Variants in FLT3 observed in about 807,000 individuals in gnomAD.
FLT3 encodes fms related receptor tyrosine kinase 3, also known as receptor-type tyrosine-protein kinase FLT3.
Under a neutral mutation model 126.6 loss-of-function variants are expected in FLT3, and 46 were observed. The observed-to-expected ratio is 0.36, with a 90% CI of 0.29 to 0.46. The LOEUF is 0.46. Ranked by LOEUF, FLT3 falls within the 20% of genes least tolerant of loss-of-function variation. FLT3 has a pLI of 1.00. For synonymous variants in FLT3, 404 were observed against 434.4 expected (o/e 0.93, Z 0.87); for missense variants, 1,069 against 1,190.3 (o/e 0.90, Z 1.50).
rs945397110 is a variant in FLT3 at position 28,011,740 on chromosome 13, CT to C, written c.2859+2711del. On this transcript the variant is annotated intron_variant, in intron 23 of 23. Coordinates refer to ENST00000241453, the MANE Select transcript of FLT3 (RefSeq NM_004119.3). ...TTCTTTCTTTCTCTCTTTCTTCTTTCTTTTTTTTCTCTCTTTCTCTTTCTTT... is the reference window on the plus strand; with the variant it reads ...TTCTTTCTTTCTCTCTTTCTTCTTTCTTTTTTTCTCTCTTTCTCTTTCTTT... 1.0e-4 allele frequency among the ~76,000 whole-genome samples: 15 copies of C among 143,082 alleles called. 1 individual carries two copies. The highest frequency in any genetic ancestry group is 6.5e-4 in the East Asian group (3 of 4,640). The allele number at this position is 143,082 out of a possible 152,430, so 93.9% of individuals were successfully genotyped here.
Position 28,036,016 on chromosome 13 carries a change from G to A in FLT3, c.1337C>T (p.Ser446Leu), listed in dbSNP as rs201256911. ...RRKPQVLAEA[S>L]ASQASCFSDG... is the part of the protein sequence containing the mutation. ...CGAGAAACAGGACGCCTGACTTGCCGATGCTTCTGCGAGCACTTGAGGTTT... is the reference window on the plus strand; with the variant it reads ...CGAGAAACAGGACGCCTGACTTGCCAATGCTTCTGCGAGCACTTGAGGTTT... Residue 446 changes from serine to leucine, a missense_variant, in exon 11 of 24, where the codon TCG (serine) becomes TTG (leucine). By Grantham distance (145) the Ser-to-Leu change is moderately radical (BLOSUM62 -2). Transcript: ENST00000241453. 2.0e-4 allele frequency: 327 copies of A among 1,614,010 alleles called. 2 individuals carry two copies. In the South Asian group the frequency reaches 3.2e-3, roughly 16 times the overall value.
chr13:28,010,069 C>T (rs1353984627), intron 23 of FLT3, among the ~76,000 whole-genome samples: 1 of 152,126 alleles, frequency 6.6e-6, no homozygotes, highest in Non-Finnish European at 1.5e-5. Context: ...CCTGACATCT[C>T]ATCTTCTGCC....
intron 3 of FLT3, 82 bp downstream of exon 3, chr13:28,061,785 T>C (rs538605461): frequency 6.2e-6 from 7 of 1,135,600 alleles, no homozygotes; most frequent in Admixed American, 2.2e-5. Context: ...AAAAAAAAGG[T>C]TTACAATAAA....
chr13:28,091,207 C>T (rs142769061), intron 1 of FLT3, among the ~76,000 whole-genome samples: 752 of 36,180 alleles, frequency 0.021, no homozygotes, highest in South Asian at 0.031. Context: ...GCCCCATTTT[C>T]TTTTTTTTTT....
chr13:28,004,138 GA>G lies in FLT3; in HGVS notation c.2895del (p.Pro966LeufsTer33). 6.2e-7 allele frequency: 1 copy of G among 1,614,012 alleles called. No homozygotes were observed. The stretch of plus-strand genomic sequence containing the variant: ...GGTCGCCTGTTTTGGTAGGTGTGAG[GA>G]CATTCCGAAACACGGCCATCCACAT... ...YQNVDGRVSECPHTYQNRRPF... is the reference protein window; with the variant it reads ...YQNVDGRVSEXPHTYQNRRPF... On this transcript the variant is annotated frameshift_variant, in exon 24 of 24. Transcript: ENST00000241453. LOFTEE classifies it low-confidence loss of function (END_TRUNC).
rs1233923614 is a variant in FLT3, at chr13:28,033,885, A to G, written c.1942+2T>C. 1 of 1,610,930 alleles carries G rather than the reference A, an allele frequency of 6.2e-7. No individual in the cohort carries two copies. The highest frequency in any genetic ancestry group is 8.5e-7 in the Non-Finnish European group (1 of 1,177,160). On this transcript the variant is annotated splice_donor_variant, in intron 15 of 23. Coordinates refer to ENST00000241453, the MANE Select transcript of FLT3 (RefSeq NM_004119.3). LOFTEE classifies it high-confidence loss of function. ...TGTTGCTGTCCTTCCACTATACTGT[A>G]CCTTTCAGCATTTTGACGGCAACCT...
rs185880927 is a variant in FLT3 at position 28,058,562 on chromosome 13, T to C, written c.369-1100A>G. 1.4e-4 allele frequency among the ~76,000 whole-genome samples: 22 copies of C among 152,242 alleles called. No individual in the cohort carries two copies. In the East Asian group the frequency reaches 4.2e-3, roughly 29 times the overall value. On this transcript the variant is annotated intron_variant, in intron 3 of 23. Coordinates refer to ENST00000241453, the MANE Select transcript of FLT3 (RefSeq NM_004119.3). Reference sequence around the variant, plus strand: ...TAAAATAAGTTCACACTTTCTGACCTTTAGACCCTTAACTGTGCAAAGTGT... The same window carrying C: ...TAAAATAAGTTCACACTTTCTGACCCTTAGACCCTTAACTGTGCAAAGTGT...
At chr13:28,065,159 T>A (rs1034209594) in intron 2 of FLT3, among the ~76,000 whole-genome samples, 14 of 152,192 alleles carry the variant, frequency 9.2e-5, no homozygotes, top group African/African-American at 2.7e-4. Flanking sequence ...TGGTCACTTG[T>A]GCACAATAAA....
At position 28,015,276 on chromosome 13, in the gene FLT3, A is replaced by C. The variant is rs748464789; in HGVS notation, c.2654-20T>G. On this transcript the variant is annotated intron_variant, in intron 21 of 23. Transcript: ENST00000241453. ...TCACACCTGAGGAAAACATTAGACAATTGCAGCCATTCATCCATTTCTTCA... is the reference window on the plus strand; with the variant it reads ...TCACACCTGAGGAAAACATTAGACACTTGCAGCCATTCATCCATTTCTTCA... The C allele has an allele frequency of 1.9e-5, 27 of 1,403,100 alleles. No homozygotes were observed. The highest frequency in any genetic ancestry group is 1.9e-5 in the Non-Finnish European group (19 of 989,654). The allele number at this position is 1,403,100 out of a possible 1,614,324, so 86.9% of individuals were successfully genotyped here.
At chr13:28,022,801 T>G (rs1490062099) in intron 19 of FLT3, among the ~76,000 whole-genome samples, 3 of 151,084 alleles carry the variant, frequency 2.0e-5, no homozygotes, top group African/African-American at 7.3e-5. Context: ...TCAAAAAGAG[T>G]GCAAAATTGG....
chr13:28,023,448 G>C lies in FLT3; in HGVS notation c.2320C>G (p.Leu774Val), dbSNP rs750415487. The change falls in exon 19 of 24, where the codon CTG becomes GTG. Residue 774 changes from leucine to valine, a missense_variant. Physicochemically the swap from Leu to Val is conservative, Grantham distance 32 (BLOSUM62 1). Coordinates refer to ENST00000241453, the MANE Select transcript of FLT3 (RefSeq NM_004119.3). The stretch of plus-strand genomic sequence containing the variant: ...ACATTCAAGTCCTCCTCTTCTTCCA[G>C]CCTTTTTTGGTTTTCATATTCAATT... ...DEIEYENQKR[L>V]EEEEDLNVLT... is the part of the protein sequence containing the mutation. 1 of 1,613,862 alleles carries C rather than the reference G, an allele frequency of 6.2e-7. No homozygotes were observed. Among genetic ancestry groups the C allele is most frequent in the Non-Finnish European group, 8.5e-7 (1 of 1,179,870 alleles).
At chr13:28,023,540 T>A in intron 18 of FLT3, 63 bp from the exon 19 acceptor site, 1 of 1,572,418 alleles carries the variant, frequency 6.4e-7, no homozygotes, top group Non-Finnish European at 8.7e-7. Context: ...ATTAAATCTC[T>A]ATGGGAAGGT....
intron 23 of FLT3, among the ~76,000 whole-genome samples, chr13:28,007,020 C>T (rs915585149): frequency 2.0e-5 from 3 of 152,038 alleles, no homozygotes; most frequent in African/African-American, 4.8e-5. Context: ...GGATTACAGG[C>T]GTGAGCCACC....
chr13:28,037,960 AC>A (rs1173077238), intron 9 of FLT3, among the ~76,000 whole-genome samples: 3 of 151,882 alleles, frequency 2.0e-5, no homozygotes, highest in East Asian at 1.9e-4. Flanking sequence ...CCATCCCCCT[AC>A]CCCCAATCTA....
At chr13:28,051,547 C>CT (rs757834414) in intron 5 of FLT3, among the ~76,000 whole-genome samples, 5,242 of 89,868 alleles carry the variant, frequency 0.058, 328 homozygotes, top group African/African-American at 0.16. Flanking sequence ...TATAATTTCC[C>CT]TTTTTTTTTT....
chr13:28,091,260 C>G (rs551679867), intron 1 of FLT3, among the ~76,000 whole-genome samples: 7 of 108,628 alleles, frequency 6.4e-5, no homozygotes, highest in African/African-American at 7.5e-5. Context: ...CTCGCTCTGT[C>G]GCCCAGGCTG....
At chr13:28,007,194 A>T (rs1378671117) in intron 23 of FLT3, among the ~76,000 whole-genome samples, 2 of 152,180 alleles carry the variant, frequency 1.3e-5, no homozygotes, top group African/African-American at 4.8e-5. Flanking sequence ...ACTTTAAAAA[A>T]TGGTTCTTTT....
chr13:28,009,663 C>T (rs112091646), intron 23 of FLT3, among the ~76,000 whole-genome samples: 212 of 152,048 alleles, frequency 1.4e-3, no homozygotes, highest in African/African-American at 4.8e-3. Context: ...CAGACTCAAG[C>T]GATCCTCCCA....
chr13:28,090,352 G>A (rs1490428054), intron 1 of FLT3, among the ~76,000 whole-genome samples: 4 of 152,110 alleles, frequency 2.6e-5, no homozygotes, highest in African/African-American at 9.7e-5. Context: ...GAACTTTTAA[G>A]GGGAATGGAA....
Sources: gnomAD v4.1 joint callset for allele counts (sites outside exome capture counted in the v4.1 genomes callset) on GRCh38, gnomAD v4.1.1 for gene constraint, MANE v1.5 for transcripts, NCBI Gene and HGNC (gene_info 2026-07-23, HGNC 2026-07-21) for gene names.